The following REEP1 variants were observed in gnomAD, a reference collection of about 807,000 sequenced individuals.
REEP1 encodes receptor accessory protein 1.
In REEP1, 22 loss-of-function variants were observed where a neutral mutation model predicts 40.3. The observed-to-expected ratio is 0.55, with a 90% CI of 0.39 to 0.78. The LOEUF (loss-of-function observed/expected upper bound fraction) is 0.78, where lower values mean the gene tolerates loss of function less well. Among genes scored for constraint, REEP1 ranks in the 30% least tolerant of loss-of-function variants. REEP1 has a pLI of 0.00. For missense variants in REEP1, 280 were observed against 361.1 expected (o/e 0.78, Z 1.82); for synonymous variants, 116 against 139.2 (o/e 0.83, Z 1.17).
At chr2:86,271,289 T>A in intron 2 of REEP1, among the ~76,000 whole-genome samples, 1 of 129,764 alleles carries the variant, frequency 7.7e-6, no homozygotes, top group Non-Finnish European at 1.7e-5. Context: ...AAGAAAACCA[T>A]ACCTAGGCAA....
chr2:86,275,324 A>T (rs992445087), intron 2 of REEP1, among the ~76,000 whole-genome samples: 1 of 152,052 alleles, frequency 6.6e-6, no homozygotes, highest in African/African-American at 2.4e-5. Context: ...ACGCACTGTC[A>T]CCGGGTATAT....
chr2:86,231,042 G>A (rs80198183), intron 6 of REEP1, among the ~76,000 whole-genome samples: 5,290 of 152,312 alleles, frequency 0.035, 128 homozygotes, highest in East Asian at 0.074. Flanking sequence ...ACAAAGCCTG[G>A]ATGGTTGATG....
intron 5 of REEP1, among the ~76,000 whole-genome samples, chr2:86,235,025 T>C (rs1574009344): frequency 2.0e-5 from 3 of 152,358 alleles, no homozygotes; most frequent in Admixed American, 2.0e-4. Context: ...GTTAGGTTAG[T>C]GTTCAAGCAA....
At chr2:86,226,745 C>T (rs1163648445) in intron 7 of REEP1, among the ~76,000 whole-genome samples, 1 of 151,752 alleles carries the variant, frequency 6.6e-6, no homozygotes, top group Non-Finnish European at 1.5e-5. Context: ...TCTGGGATTA[C>T]AGGCATGAGC....
rs79688430 is a variant in REEP1 at position 86,312,747 on chromosome 2, A to G, written c.32+24732T>C. On this transcript the variant is annotated intron_variant, in intron 1 of 8. Coordinates refer to ENST00000538924, the MANE Select transcript of REEP1 (RefSeq NM_001371279.1). ...ACCCCATGGGGCTACAGTCAGGGTTAAGAGAAATAATGTATGCAGACTTTC... is the reference window on the plus strand; with the variant it reads ...ACCCCATGGGGCTACAGTCAGGGTTGAGAGAAATAATGTATGCAGACTTTC... Among the ~76,000 whole-genome samples the G allele has an allele frequency of 5.4e-4, 82 of 152,374 alleles. No homozygotes were observed. In the East Asian group the frequency reaches 0.014, roughly 27 times the overall value.
At chr2:86,331,035 G>A (rs1023865873) in intron 1 of REEP1, among the ~76,000 whole-genome samples, 4 of 152,174 alleles carry the variant, frequency 2.6e-5, no homozygotes, top group Non-Finnish European at 4.4e-5. Flanking sequence ...ACTGGGGCCC[G>A]AGCAACCAGA....
chr2:86,278,973 G>A (rs918855459), intron 2 of REEP1, among the ~76,000 whole-genome samples: 1 of 152,208 alleles, frequency 6.6e-6, no homozygotes, highest in Non-Finnish European at 1.5e-5. Flanking sequence ...TAAATGTCTT[G>A]AGCAATGTTT....
At chr2:86,244,475 G>A (rs1238955783) in intron 5 of REEP1, among the ~76,000 whole-genome samples, 6 of 152,186 alleles carry the variant, frequency 3.9e-5, no homozygotes, top group Admixed American at 2.0e-4. Flanking sequence ...CTTGGCTATC[G>A]CCTGTTGGCC....
At chr2:86,244,434 G>T (rs1558883725) in intron 5 of REEP1, among the ~76,000 whole-genome samples, 1 of 152,102 alleles carries the variant, frequency 6.6e-6, no homozygotes, top group Non-Finnish European at 1.5e-5. Context: ...ATTGTGCCTG[G>T]CTGTTCAGAT....
chr2:86,282,048 G>T, intron 2 of REEP1, 122 bp downstream of exon 2: 1 of 750,356 alleles, frequency 1.3e-6, no homozygotes, highest in Non-Finnish European at 2.5e-6. Flanking sequence ...TGAGAACTGT[G>T]ATGAAGGAAC....
chr2:86,228,737 C>T (rs1292879732), intron 6 of REEP1, among the ~76,000 whole-genome samples: 2 of 152,158 alleles, frequency 1.3e-5, no homozygotes, highest in Admixed American at 6.5e-5. Context: ...GGATTACAGG[C>T]GTGAGTCACC....
chr2:86,221,590 G>A (rs909044411), intron 7 of REEP1, among the ~76,000 whole-genome samples: 6 of 152,058 alleles, frequency 3.9e-5, no homozygotes, highest in Admixed American at 3.9e-4. Context: ...CTTGGAGGCT[G>A]TGCCACACAG....
rs1343418911 is a variant in REEP1, at chr2:86,280,142, T to C, written c.105+2028A>G. 6.9e-6 allele frequency: 3 copies of C among 434,548 alleles called. No homozygotes were observed. The East Asian group carries it at 2.1e-4, about 31-fold the overall frequency. The allele number at this position is 434,548 out of a possible 1,614,324, so 26.9% of individuals were successfully genotyped here. A position where few individuals can be genotyped will look rare whatever the true frequency, so the allele number is the denominator to read the frequency against. ...TCTCTCTTGAACAAAATGGGCGCAT[T>C]AGTCGAAAGGACTGCAGGAAGGAAA... On this transcript the variant is annotated intron_variant, in intron 2 of 8. Coordinates refer to ENST00000538924, the MANE Select transcript of REEP1 (RefSeq NM_001371279.1).
At position 86,226,096 on chromosome 2, in the gene REEP1, C is replaced by CCACCACCACCACCACCACCATCAT. The variant is rs1394234580; in HGVS notation, c.631+1243_631+1266dup. On this transcript the variant is annotated intron_variant, in intron 7 of 8. Transcript: ENST00000538924. ...GCTATCACCACCACCACCACCACCA[C>CCACCACCACCACCACCACCATCAT]CACCACCACCACCACCACCATCATC... is the stretch of plus-strand genomic sequence containing the variant. Among the ~76,000 whole-genome samples the CCACCACCACCACCACCACCATCAT allele has an allele frequency of 1.1e-3, 164 of 144,850 alleles. 1 individual carries two copies. Among genetic ancestry groups the CCACCACCACCACCACCACCATCAT allele is most frequent in the African/African-American group, 4.2e-3 (160 of 38,268 alleles).
At chr2:86,256,071 G>A (rs758280109) in intron 3 of REEP1, among the ~76,000 whole-genome samples, 4 of 152,224 alleles carry the variant, frequency 2.6e-5, no homozygotes, top group South Asian at 4.1e-4. Context: ...CTCACTGGCC[G>A]GGCGCGGTGG....
rs1459165310 is a variant in REEP1, at chr2:86,337,618, C to T, written c.-108G>A. The T allele has an allele frequency of 2.7e-6, 3 of 1,119,036 alleles. No individual in the cohort carries two copies. The highest frequency in any genetic ancestry group is 3.3e-6 in the Non-Finnish European group (3 of 916,072). The allele number at this position is 1,119,036 out of a possible 1,614,324, so 69.3% of individuals were successfully genotyped here. On this transcript the variant is annotated 5_prime_UTR_variant, in exon 1 of 9. Transcript: ENST00000538924. This position sits in a 1 kb window ranked among gnomAD's most constrained non-coding sequence, Gnocchi z 5.8. ...ACGTCAGTCAGCTCACGGCAGCCGC[C>T]GCCAGACTGAGCGCGCCCGCCGCCC... is the stretch of plus-strand genomic sequence containing the variant.
At chr2:86,276,998 C>T (rs1043099988) in intron 2 of REEP1, among the ~76,000 whole-genome samples, 23 of 152,142 alleles carry the variant, frequency 1.5e-4, no homozygotes, top group African/African-American at 5.1e-4. Flanking sequence ...GACTTTGGTA[C>T]TTGAGGGATG....
intron 2 of REEP1, among the ~76,000 whole-genome samples, chr2:86,275,298 C>T (rs1677697276): frequency 6.6e-6 from 1 of 151,554 alleles, no homozygotes. Context: ...GGGAGAAATG[C>T]CCTAAGTTAA....
chr2:86,323,895 G>T (rs1680387147), intron 1 of REEP1, among the ~76,000 whole-genome samples: 1 of 152,186 alleles, frequency 6.6e-6, no homozygotes, highest in Admixed American at 6.5e-5. Context: ...GCAGGGCACT[G>T]CAGGTCTGAA....
Sources: allele counts gnomAD v4.1 joint callset (sites outside exome capture counted in the v4.1 genomes callset), GRCh38; gene constraint gnomAD v4.1.1; non-coding constraint Gnocchi (gnomAD v3.1); transcripts MANE v1.5; gene names NCBI Gene and HGNC (gene_info 2026-07-23, HGNC 2026-07-21).